The following DSCAML1 variants were observed in gnomAD, a reference collection of about 807,000 sequenced individuals.
The protein encoded by DSCAML1 is DS cell adhesion molecule like 1.
A neutral mutation model predicts 200.5 loss-of-function variants in DSCAML1; 38 were observed. The ratio of observed to expected loss-of-function variants is 0.19; its 90% CI spans 0.15 to 0.25. The LOEUF (loss-of-function observed/expected upper bound fraction) is 0.25, where lower values mean the gene tolerates loss of function less well. DSCAML1 is among the 10% of genes least tolerant of loss of function. The probability of loss-of-function intolerance (pLI) is 1.00; values close to 1 mark genes in which losing one functional copy is unlikely to be tolerated. For missense variants in DSCAML1, 2,223 were observed against 2,858.8 expected (o/e 0.78, Z 5.07); for synonymous variants, 1,215 against 1,165.0 (o/e 1.04, Z -0.87).
intron 11 of DSCAML1, among the ~76,000 whole-genome samples, chr11:117,499,582 C>A (rs997650935): frequency 6.6e-6 from 1 of 152,244 alleles, no homozygotes; most frequent in Non-Finnish European, 1.5e-5. Context: ...ATACTTAAAC[C>A]AATGACCTTG....
chr11:117,608,149 G>A (rs139913645), intron 3 of DSCAML1, among the ~76,000 whole-genome samples: 92 of 152,322 alleles, frequency 6.0e-4, no homozygotes, highest in African/African-American at 2.1e-3. Context: ...CACCTAGCGG[G>A]TAAATCTACG....
chr11:117,467,202 C>CCCCCCCCCCCCCCCCCCCA (rs2048600020), intron 16 of DSCAML1, among the ~76,000 whole-genome samples: 2 of 134,082 alleles, frequency 1.5e-5, no homozygotes, highest in African/African-American at 6.1e-5. Context: ...CACCTCCCCC[C>CCCCCCCCCCCCCCCCCCCA]TCCCCCCGCC....
chr11:117,632,826 T>A (rs2052202143), intron 3 of DSCAML1, among the ~76,000 whole-genome samples: 1 of 152,214 alleles, frequency 6.6e-6, no homozygotes, highest in African/African-American at 2.4e-5. Context: ...GTGCCAGGCA[T>A]CATGAAAAGG....
intron 19 of DSCAML1, among the ~76,000 whole-genome samples, chr11:117,453,983 C>T (rs534006199): frequency 2.2e-4 from 33 of 152,124 alleles, no homozygotes; most frequent in African/African-American, 6.5e-4. Flanking sequence ...ACCTCATGAT[C>T]GACCCGCCTC....
intron 3 of DSCAML1, among the ~76,000 whole-genome samples, chr11:117,627,535 C>T (rs1565835799): frequency 6.6e-6 from 1 of 152,094 alleles, no homozygotes; most frequent in Non-Finnish European, 1.5e-5. Flanking sequence ...AGCCGCTGCA[C>T]CCACCATTCC....
At chr11:117,546,737 GC>G (rs1283199989) in intron 3 of DSCAML1, among the ~76,000 whole-genome samples, 1 of 152,160 alleles carries the variant, frequency 6.6e-6, no homozygotes, top group Non-Finnish European at 1.5e-5. Flanking sequence ...GGGTGCAGAG[GC>G]ACGGTGGCTA....
chr11:117,529,302 T>C (rs2050032791), intron 4 of DSCAML1, among the ~76,000 whole-genome samples: 1 of 152,320 alleles, frequency 6.6e-6, no homozygotes, highest in East Asian at 1.9e-4. Flanking sequence ...GGTCTTGAAC[T>C]CCTGTCCTCA....
chr11:117,626,947 C>G (rs960162846), intron 3 of DSCAML1, among the ~76,000 whole-genome samples: 1 of 152,178 alleles, frequency 6.6e-6, no homozygotes, highest in Admixed American at 6.5e-5. Flanking sequence ...TGGAAACCCG[C>G]AAAAGAAATC....
At chr11:117,557,504 C>T (rs1005432779) in intron 3 of DSCAML1, among the ~76,000 whole-genome samples, 3 of 152,206 alleles carry the variant, frequency 2.0e-5, no homozygotes, top group Non-Finnish European at 4.4e-5. Context: ...CTGCCCGCCT[C>T]ACTCGAGCCC....
intron 1 of DSCAML1, among the ~76,000 whole-genome samples, chr11:117,815,943 G>A (rs924730550): frequency 6.6e-6 from 1 of 151,994 alleles, no homozygotes; most frequent in South Asian, 2.1e-4. Flanking sequence ...GGGTTGGGGA[G>A]CTGCCACTCC....
intron 3 of DSCAML1, among the ~76,000 whole-genome samples, chr11:117,629,855 C>G (rs1332737014): frequency 6.6e-6 from 1 of 152,132 alleles, no homozygotes. Context: ...ATAAAATTAG[C>G]CGGGCATGGT....
intron 14 of DSCAML1, among the ~76,000 whole-genome samples, chr11:117,479,790 TG>T (rs2048871642): frequency 2.0e-5 from 3 of 152,138 alleles, no homozygotes; most frequent in Admixed American, 2.0e-4. Context: ...CTGGGATTAC[TG>T]GGGTGTGCCA....
At chr11:117,727,874 T>G (rs993444958) in intron 3 of DSCAML1, among the ~76,000 whole-genome samples, 10 of 152,164 alleles carry the variant, frequency 6.6e-5, no homozygotes, top group Non-Finnish European at 1.3e-4. Context: ...TCAGAAGTGA[T>G]CATTCTAATT....
intron 3 of DSCAML1, among the ~76,000 whole-genome samples, chr11:117,646,229 G>A (rs2052518741): frequency 6.6e-6 from 1 of 151,956 alleles, no homozygotes; most frequent in Admixed American, 6.6e-5. Context: ...ATAGTCTGCA[G>A]CCGTGGCCTG....
chr11:117,710,671 T>C (rs1208566921), intron 3 of DSCAML1, among the ~76,000 whole-genome samples: 1 of 152,212 alleles, frequency 6.6e-6, no homozygotes, highest in Admixed American at 6.5e-5. Flanking sequence ...TGTGAGGTCA[T>C]TAGTGTTAAA....
At chr11:117,605,393 C>A (rs1249659833) in intron 3 of DSCAML1, among the ~76,000 whole-genome samples, 2 of 152,184 alleles carry the variant, frequency 1.3e-5, no homozygotes, top group Admixed American at 1.3e-4. Context: ...CTCTGGGAGC[C>A]GCCCTCTGCC....
Position 117,751,919 on chromosome 11 carries a change from C to G in DSCAML1, c.511+24872G>C, listed in dbSNP as rs550080435. Among the ~76,000 whole-genome samples, 8 of 152,290 alleles carry G rather than the reference C, an allele frequency of 5.3e-5. No individual in the cohort carries two copies. The South Asian group carries it at 1.7e-3, about 32-fold the overall frequency. On this transcript the variant is annotated intron_variant, in intron 3 of 32. Coordinates refer to ENST00000651296, the MANE Select transcript of DSCAML1 (RefSeq NM_020693.4). ...GGATCCACTTTTCATCAGGGCTTCC[C>G]TAGGCCGAGATTCTCATAGGCGCTA...
intron 20 of DSCAML1, among the ~76,000 whole-genome samples, chr11:117,450,079 C>T (rs1231516765): frequency 2.6e-5 from 4 of 152,354 alleles, no homozygotes; most frequent in East Asian, 1.9e-4. Context: ...TGCCTTCTCT[C>T]GGCTTTCCCC....
At chr11:117,614,010 G>A (rs1200781034) in intron 3 of DSCAML1, among the ~76,000 whole-genome samples, 1 of 152,128 alleles carries the variant, frequency 6.6e-6, no homozygotes, top group Admixed American at 6.5e-5. Context: ...GTGAAGGAGG[G>A]GCTACTTTTA....
Sources: gnomAD v4.1 joint callset for allele counts (sites outside exome capture counted in the v4.1 genomes callset) on GRCh38, gnomAD v4.1.1 for gene constraint, MANE v1.5 for transcripts, NCBI Gene and HGNC (gene_info 2026-07-23, HGNC 2026-07-21) for gene names.